PAPPA2: variants seen among roughly 807,000 people sequenced by gnomAD.
PAPPA2 encodes the protein pappalysin 2.
Under a neutral mutation model 176.4 loss-of-function variants are expected in PAPPA2, and 86 were observed. The observed-to-expected ratio is 0.49, with a 90% CI of 0.41 to 0.58. The LOEUF (loss-of-function observed/expected upper bound fraction) is 0.58, where lower values mean the gene tolerates loss of function less well. Among genes scored for constraint, PAPPA2 ranks in the 20% least tolerant of loss-of-function variants. PAPPA2 has a pLI of 0.00. For missense variants in PAPPA2, 2,073 were observed against 2,256.9 expected (o/e 0.92, Z 1.65); for synonymous variants, 809 against 852.2 (o/e 0.95, Z 0.88).
At position 176,560,988 on chromosome 1, in the gene PAPPA2, A is replaced by T. The variant is rs144354123; in HGVS notation, c.919+3747A>T. On this transcript the variant is annotated intron_variant, in intron 2 of 22. Coordinates refer to ENST00000367662, the MANE Select transcript of PAPPA2 (RefSeq NM_020318.3). ...CAAAGCACGGCAAGGCCCTGTGGGGAGCACAAAGATGTCTAAGAAACTGTC... is the reference window on the plus strand; with the variant it reads ...CAAAGCACGGCAAGGCCCTGTGGGGTGCACAAAGATGTCTAAGAAACTGTC... Among the ~76,000 whole-genome samples, 343 of 152,302 alleles carry T rather than the reference A, an allele frequency of 2.3e-3. 4 individuals carry two copies. Among genetic ancestry groups the T allele is most frequent in the African/African-American group, 7.9e-3 (329 of 41,580 alleles).
intron 10 of PAPPA2, among the ~76,000 whole-genome samples, chr1:176,708,926 A>G (rs1314464660): frequency 2.0e-5 from 3 of 152,128 alleles, no homozygotes; most frequent in Non-Finnish European, 2.9e-5. Flanking sequence ...TTCATGTCCT[A>G]TTTTTAAATA....
chr1:176,685,428 G>A (rs941733321), intron 4 of PAPPA2, among the ~76,000 whole-genome samples: 1 of 152,194 alleles, frequency 6.6e-6, no homozygotes, highest in Non-Finnish European at 1.5e-5. Flanking sequence ...TACCTTGTGA[G>A]AGAGAAGCTT....
intron 1 of PAPPA2, among the ~76,000 whole-genome samples, chr1:176,538,114 A>AC (rs1650168444): frequency 6.6e-6 from 1 of 151,938 alleles, no homozygotes; most frequent in Admixed American, 6.6e-5. Context: ...CCTTGTTTTG[A>AC]CCTCATGATT....
At chr1:176,756,115 C>A (rs1034204231) in intron 14 of PAPPA2, among the ~76,000 whole-genome samples, 1 of 152,090 alleles carries the variant, frequency 6.6e-6, no homozygotes, top group Non-Finnish European at 1.5e-5. Context: ...TGTGCCATCA[C>A]GCCCAGCTAA....
chr1:176,581,786 T>C (rs1267943669), intron 2 of PAPPA2, among the ~76,000 whole-genome samples: 2 of 152,058 alleles, frequency 1.3e-5, no homozygotes, highest in Non-Finnish European at 2.9e-5. Context: ...AAAATGTTAC[T>C]GATTTTGGTA....
intron 14 of PAPPA2, among the ~76,000 whole-genome samples, chr1:176,742,386 C>A (rs776203428): frequency 1.3e-5 from 2 of 152,078 alleles, no homozygotes; most frequent in Admixed American, 6.6e-5. Context: ...GAAGTCTCAA[C>A]AAAGAAGTTG....
intron 14 of PAPPA2, among the ~76,000 whole-genome samples, chr1:176,755,762 A>C (rs1257447405): frequency 6.6e-6 from 1 of 152,084 alleles, no homozygotes; most frequent in Non-Finnish European, 1.5e-5. Context: ...TACAGTCAAA[A>C]ATTTGCCTAT....
intron 4 of PAPPA2, among the ~76,000 whole-genome samples, chr1:176,688,128 T>G (rs1036037033): frequency 6.6e-6 from 1 of 152,202 alleles, no homozygotes; most frequent in Non-Finnish European, 1.5e-5. Flanking sequence ...TTTCTGAAGA[T>G]TAGTTTTATT....
intron 1 of PAPPA2, among the ~76,000 whole-genome samples, chr1:176,512,681 T>C (rs1648678625): frequency 1.3e-5 from 2 of 152,168 alleles, no homozygotes; most frequent in African/African-American, 4.8e-5. Context: ...AATGTATTGA[T>C]TACACTGATG....
At position 176,574,054 on chromosome 1, in the gene PAPPA2, A is replaced by G. The variant is rs115882988; in HGVS notation, c.919+16813A>G. On this transcript the variant is annotated intron_variant, in intron 2 of 22. Transcript: ENST00000367662. ...GATACCGTTGACATCTCTGCTAACT[A>G]TCTCTTGTTGATTCAATCCATTAGT... Among the ~76,000 whole-genome samples, 443 of 152,158 alleles carry G rather than the reference A, an allele frequency of 2.9e-3. 2 individuals are homozygous for G. The highest frequency in any genetic ancestry group is 4.8e-3 in the Non-Finnish European group (325 of 67,992).
chr1:176,625,065 G>A (rs1180446683), intron 3 of PAPPA2, among the ~76,000 whole-genome samples: 3 of 152,200 alleles, frequency 2.0e-5, no homozygotes, highest in Non-Finnish European at 4.4e-5. Context: ...TCTGTAGGCA[G>A]TCCAGCTGTC....
intron 1 of PAPPA2, among the ~76,000 whole-genome samples, chr1:176,472,812 C>A (rs1651943551): frequency 6.6e-6 from 1 of 152,084 alleles, no homozygotes; most frequent in African/African-American, 2.4e-5. Context: ...TTTAAATTTT[C>A]TGTCTGCATT....
intron 17 of PAPPA2, among the ~76,000 whole-genome samples, chr1:176,775,556 A>AAACG (rs1411368278): frequency 8.5e-5 from 13 of 152,182 alleles, no homozygotes. Context: ...GGTAACAGAA[A>AAACG]AACGATTACC....
chr1:176,664,093 T>A (rs2102762866), intron 3 of PAPPA2, among the ~76,000 whole-genome samples: 1 of 152,300 alleles, frequency 6.6e-6, no homozygotes, highest in South Asian at 2.1e-4. Flanking sequence ...ATGTTCACTC[T>A]CTTTATGCTC....
chr1:176,543,844 C>T (rs182707719), intron 1 of PAPPA2, among the ~76,000 whole-genome samples: 108 of 152,176 alleles, frequency 7.1e-4, no homozygotes, highest in African/African-American at 2.5e-3. Flanking sequence ...TGTGTCACTT[C>T]CAAGATGGAG....
intron 1 of PAPPA2, among the ~76,000 whole-genome samples, chr1:176,537,123 G>A (rs1015510416): frequency 6.6e-6 from 1 of 152,120 alleles, no homozygotes; most frequent in African/African-American, 2.4e-5. Flanking sequence ...CTAGAGATTT[G>A]TTTTCTAAAG....
chr1:176,471,023 T>C (rs1651848071), intron 1 of PAPPA2, among the ~76,000 whole-genome samples: 1 of 152,206 alleles, frequency 6.6e-6, no homozygotes, highest in African/African-American at 2.4e-5. Flanking sequence ...CTCTAGCTTT[T>C]ACAGATAGTA....
intron 21 of PAPPA2, among the ~76,000 whole-genome samples, chr1:176,826,085 C>A (rs895032631): frequency 1.3e-5 from 2 of 152,212 alleles, no homozygotes; most frequent in Non-Finnish European, 2.9e-5. Flanking sequence ...CTTCCCAAAT[C>A]TCCTGAGCTA....
At chr1:176,562,903 G>A (rs2102600537) in intron 2 of PAPPA2, among the ~76,000 whole-genome samples, 1 of 152,256 alleles carries the variant, frequency 6.6e-6, no homozygotes, top group Middle Eastern at 3.4e-3. Context: ...TTTTCTCGAA[G>A]CCTGTGGCCA....
Sources: allele counts gnomAD v4.1 joint callset (sites outside exome capture counted in the v4.1 genomes callset), GRCh38; gene constraint gnomAD v4.1.1; transcripts MANE v1.5; gene names NCBI Gene and HGNC (gene_info 2026-07-23, HGNC 2026-07-21).